The following SH3BP5 variants were observed in gnomAD, a reference collection of about 807,000 sequenced individuals.
The protein encoded by SH3BP5 is SH3 domain binding protein 5, also known as SH3 domain-binding protein 5.
A neutral mutation model predicts 43.3 loss-of-function variants in SH3BP5; 22 were observed. That is an observed-to-expected ratio of 0.51 (90% CI 0.36 to 0.73). The LOEUF (loss-of-function observed/expected upper bound fraction) is 0.73. Ranked by LOEUF, SH3BP5 falls within the 30% of genes least tolerant of loss-of-function variation. The pLI, the probability that SH3BP5 is intolerant of heterozygous loss-of-function variation, is 0.00. For synonymous variants in SH3BP5, 255 were observed against 225.8 expected (o/e 1.13, Z -1.16); for missense variants, 529 against 586.9 (o/e 0.90, Z 1.02).
At chr3:15,304,421 T>C in intron 2 of SH3BP5, 190 bp from the exon 3 acceptor site, 1 of 837,928 alleles carries the variant, frequency 1.2e-6, no homozygotes, top group Non-Finnish European at 1.9e-6. Flanking sequence ...GGAAACGTCC[T>C]GTGCTCTGCA....
Position 15,332,333 on chromosome 3 carries a change from C to T in SH3BP5, c.76G>A (p.Glu26Lys). 1.3e-6 allele frequency: 2 copies of T among 1,544,862 alleles called. No individual in the cohort carries two copies. Among genetic ancestry groups the T allele is most frequent in the South Asian group, 1.2e-5 (1 of 84,258 alleles). Residue 26 changes from glutamate (E) to lysine (K), a missense_variant, in exon 1 of 9, where the codon GAG (glutamate) becomes AAG (lysine). Around this residue, in one of 3 missense-constraint regions of SH3BP5, gnomAD observed 75 missense variants for 61.8 expected, o/e 1.21. Transcript: ENST00000383791. ...CCCTGCTCCATCCCCTCTTCCTCCT[C>T]CTCCTCCTCGTCCCGGGCAGGCGGC... ...ILPPARDEEE[E>K]EEEGMEQGLE...
upstream of SH3BP5, among the ~76,000 whole-genome samples, chr3:15,335,020 C>T (rs1460888603): frequency 1.3e-5 from 2 of 151,996 alleles, no homozygotes; most frequent in Admixed American, 1.3e-4. Context: ...TGCCTGTAAT[C>T]TCAGTCCTTT....
In SH3BP5 at chr3:15,263,148, CAAA is replaced by C. The variant is rs561709808; in HGVS notation, c.496-862_496-860del. ...ATGACTGAGAAAGAAAATGGAAAAA[CAAA>C]AACCAGAAAATTTTGAACTATTTTC... is the stretch of plus-strand genomic sequence containing the variant. On this transcript the variant is annotated intron_variant, in intron 4 of 8. Transcript: ENST00000383791. Among the ~76,000 whole-genome samples, 396 of 152,222 alleles carry C rather than the reference CAAA, an allele frequency of 2.6e-3. 4 individuals are homozygous for C. The highest frequency in any genetic ancestry group is 9.1e-3 in the African/African-American group (376 of 41,510).
chr3:15,284,913 T>G (rs1697224023), intron 3 of SH3BP5, among the ~76,000 whole-genome samples: 1 of 152,188 alleles, frequency 6.6e-6, no homozygotes, highest in Admixed American at 6.5e-5. Flanking sequence ...GAATGCCTGG[T>G]GAGTGCCCCA....
intron 3 of SH3BP5, among the ~76,000 whole-genome samples, chr3:15,302,503 A>G (rs902394039): frequency 2.0e-5 from 3 of 152,174 alleles, no homozygotes; most frequent in African/African-American, 4.8e-5. Flanking sequence ...TCCAACCAGG[A>G]ACTTCAGCTC....
intron 2 of SH3BP5, among the ~76,000 whole-genome samples, chr3:15,329,359 C>CCACAT (rs1163828970): frequency 2.6e-5 from 4 of 152,044 alleles, no homozygotes; most frequent in Admixed American, 2.0e-4. Flanking sequence ...TTCAGTTACC[C>CCACAT]CACATCACAG....
intron 1 of SH3BP5, among the ~76,000 whole-genome samples, chr3:15,331,075 C>T (rs1354299526): frequency 2.0e-5 from 3 of 152,150 alleles, no homozygotes; most frequent in Non-Finnish European, 2.9e-5. Flanking sequence ...CTTAGCTGGA[C>T]GTTTTAAACT....
chr3:15,326,426 T>C (rs1698465086), intron 2 of SH3BP5, among the ~76,000 whole-genome samples: 1 of 152,162 alleles, frequency 6.6e-6, no homozygotes, highest in South Asian at 2.1e-4. Context: ...TGGTCACCAA[T>C]TCAGGTTCAT....
intron 4 of SH3BP5, among the ~76,000 whole-genome samples, chr3:15,265,512 T>TCTCACACACACACA (rs1318765546): frequency 4.4e-4 from 48 of 107,990 alleles, no homozygotes; most frequent in East Asian, 3.2e-3. Context: ...CGAGACTCCG[T>TCTCACACACACACA]CACACACACA....
At chr3:15,285,035 C>T (rs969795888) in intron 3 of SH3BP5, among the ~76,000 whole-genome samples, 17 of 152,172 alleles carry the variant, frequency 1.1e-4, no homozygotes, top group Admixed American at 3.3e-4. Context: ...AGCAGTATTG[C>T]CCCTTGTGTC....
chr3:15,256,786 A>G (rs898938284), intron 8 of SH3BP5, 67 bp downstream of exon 8: 6 of 1,526,356 alleles, frequency 3.9e-6, no homozygotes, highest in Non-Finnish European at 4.4e-6. Flanking sequence ...GAGGTATGGA[A>G]TGGCACAACA....
At chr3:15,329,821 C>T (rs1375733913) in intron 2 of SH3BP5, among the ~76,000 whole-genome samples, 1 of 152,188 alleles carries the variant, frequency 6.6e-6, no homozygotes, top group Non-Finnish European at 1.5e-5. Context: ...GTGGTAAAAG[C>T]AACCACTACT....
At chr3:15,285,099 C>A (rs113409101) in intron 3 of SH3BP5, among the ~76,000 whole-genome samples, 2 of 152,342 alleles carry the variant, frequency 1.3e-5, no homozygotes, top group African/African-American at 4.8e-5. Context: ...TTCCCATATT[C>A]TAGCACAGTG....
At chr3:15,308,797 T>C (rs542837181) in intron 2 of SH3BP5, among the ~76,000 whole-genome samples, 64 of 152,352 alleles carry the variant, frequency 4.2e-4, no homozygotes, top group African/African-American at 1.5e-3. Context: ...TCTCTTCCTT[T>C]GGCCATAAAT....
At chr3:15,327,188 C>T (rs1239635569) in intron 2 of SH3BP5, among the ~76,000 whole-genome samples, 1 of 151,600 alleles carries the variant, frequency 6.6e-6, no homozygotes, top group Admixed American at 6.6e-5. Flanking sequence ...AGTTCAAGAC[C>T]AGCCAGTTCG....
chr3:15,317,641 A>G (rs775390430), intron 2 of SH3BP5, among the ~76,000 whole-genome samples: 1 of 152,256 alleles, frequency 6.6e-6, no homozygotes, highest in Non-Finnish European at 1.5e-5. Context: ...TTTTAAGTCT[A>G]TTACAGCATA....
chr3:15,260,321 T>G lies in SH3BP5; in HGVS notation c.627-518A>C, dbSNP rs7620355. The G allele has an allele frequency of 0.13, 21,311 of 162,630 alleles. 4,892 individuals carry two copies. The highest frequency in any genetic ancestry group is 0.48 in the African/African-American group (19,818 of 41,482). The allele number at this position is 162,630 out of a possible 1,614,324, so 10.1% of individuals were successfully genotyped here. On this transcript the variant is annotated intron_variant, in intron 5 of 8. Transcript: ENST00000383791. ...CCACCACTAGGAGGGGGTCTCAGGT[T>G]GGTCCTCCCAAACCTTGTCCAAAGA...
chr3:15,279,800 G>A (rs1014081708), intron 3 of SH3BP5, among the ~76,000 whole-genome samples: 2 of 152,092 alleles, frequency 1.3e-5, no homozygotes, highest in African/African-American at 4.8e-5. Flanking sequence ...ATCAGGGAAG[G>A]TTCATCAAGC....
chr3:15,334,518 C>T (rs748974492), upstream of SH3BP5, among the ~76,000 whole-genome samples: 2 of 151,048 alleles, frequency 1.3e-5, no homozygotes, highest in African/African-American at 2.4e-5. Flanking sequence ...CACTGGAGGC[C>T]GGGAGTTCCA....
Sources: gnomAD v4.1 joint callset for allele counts (sites outside exome capture counted in the v4.1 genomes callset) on GRCh38, gnomAD v4.1.1 for gene constraint, gnomAD v4.1.1 regional missense constraint, MANE v1.5 for transcripts, NCBI Gene and HGNC (gene_info 2026-07-23, HGNC 2026-07-21) for gene names.